TTC28: variants seen among roughly 807,000 people sequenced by gnomAD.
TTC28 encodes the protein tetratricopeptide repeat protein 28.
In TTC28, 61 loss-of-function variants were observed where a neutral mutation model predicts 198.0. The ratio of observed to expected loss-of-function variants is 0.31; its 90% CI spans 0.25 to 0.38. The LOEUF is 0.38. Ranked by LOEUF, TTC28 falls within the 10% of genes least tolerant of loss-of-function variation. TTC28 has a pLI of 1.00. For missense variants in TTC28, 2,678 were observed against 3,164.0 expected, an observed-to-expected ratio of 0.85 and a Z score of 3.69; for synonymous variants, 1,171 against 1,297.8, an observed-to-expected ratio of 0.90 and a Z score of 2.10.
At chr22:28,528,734 T>C (rs1297728010) in intron 2 of TTC28, among the ~76,000 whole-genome samples, 6 of 94,752 alleles carry the variant, frequency 6.3e-5, no homozygotes, top group African/African-American at 1.9e-4. Flanking sequence ...AGACCCTGTC[T>C]CATAAAAAAA....
At position 28,268,798 on chromosome 22, in the gene TTC28, C is replaced by A. The variant is rs534338186; in HGVS notation, c.933+27400G>T. Among the ~76,000 whole-genome samples, 22 of 151,636 alleles carry A rather than the reference C, an allele frequency of 1.5e-4. No homozygotes were observed. The East Asian group carries it at 3.9e-3, about 27-fold the overall frequency. On this transcript the variant is annotated intron_variant, in intron 5 of 22. Transcript: ENST00000397906. Reference sequence around the variant, plus strand: ...TCTCAGATGTTAGCTCCTAGACACCCTTCACTTCATCATGGTCTTTTTGAG... The same window carrying A: ...TCTCAGATGTTAGCTCCTAGACACCATTCACTTCATCATGGTCTTTTTGAG...
intron 2 of TTC28, among the ~76,000 whole-genome samples, chr22:28,465,481 C>T (rs913688521): frequency 4.0e-5 from 6 of 151,784 alleles, no homozygotes; most frequent in South Asian, 2.1e-4. Context: ...AAAATTAGGC[C>T]GGCGTGGTGG....
chr22:28,329,651 G>T (rs1239314071), intron 2 of TTC28, among the ~76,000 whole-genome samples: 1 of 152,094 alleles, frequency 6.6e-6, no homozygotes, highest in Middle Eastern at 3.2e-3. Flanking sequence ...CTGTGCCAGG[G>T]ACTCAGGTTT....
At chr22:28,299,238 C>G (rs1346009522) in intron 3 of TTC28, among the ~76,000 whole-genome samples, 1 of 147,184 alleles carries the variant, frequency 6.8e-6, no homozygotes. Context: ...CCACTATGCA[C>G]ATGTAAAAAA....
intron 5 of TTC28, among the ~76,000 whole-genome samples, chr22:28,280,272 T>C (rs2044558922): frequency 6.6e-6 from 1 of 152,168 alleles, no homozygotes; most frequent in African/African-American, 2.4e-5. Flanking sequence ...CGCTATACTT[T>C]TTGCTTTAAT....
Position 28,325,901 on chromosome 22 carries a change from T to A in TTC28, c.382-19258A>T, listed in dbSNP as rs78717480. On this transcript the variant is annotated intron_variant, in intron 2 of 22. Transcript: ENST00000397906. Reference sequence around the variant, plus strand: ...AAACTCTTATATATTGCTGGTAGAATACAAATTCTAGAAAATGGTTTGGCA... The same window carrying A: ...AAACTCTTATATATTGCTGGTAGAAAACAAATTCTAGAAAATGGTTTGGCA... Among the ~76,000 whole-genome samples the A allele has an allele frequency of 2.3e-3, 352 of 152,266 alleles. 3 individuals carry two copies. Among genetic ancestry groups the A allele is most frequent in the African/African-American group, 7.4e-3 (306 of 41,572 alleles).
chr22:28,223,728 A>C (rs1185563335), intron 5 of TTC28, among the ~76,000 whole-genome samples: 2 of 152,230 alleles, frequency 1.3e-5, no homozygotes, highest in Non-Finnish European at 2.9e-5. Flanking sequence ...CTACATGAAT[A>C]AACATTTTTC....
At chr22:28,233,993 G>A (rs995032675) in intron 5 of TTC28, among the ~76,000 whole-genome samples, 9 of 150,040 alleles carry the variant, frequency 6.0e-5, no homozygotes, top group Admixed American at 2.0e-4. Flanking sequence ...TGCAATCTCC[G>A]CCTCCCGGGT....
chr22:28,375,219 A>G (rs1157361579), intron 2 of TTC28, among the ~76,000 whole-genome samples: 1 of 152,210 alleles, frequency 6.6e-6, no homozygotes, highest in East Asian at 1.9e-4. Flanking sequence ...GAACTTTAAT[A>G]TAAGTAAAGT....
At chr22:28,388,656 G>A (rs1373754653) in intron 2 of TTC28, among the ~76,000 whole-genome samples, 1 of 152,184 alleles carries the variant, frequency 6.6e-6, no homozygotes, top group Non-Finnish European at 1.5e-5. Context: ...TGTTGTTGGT[G>A]TATAAGAACG....
intron 2 of TTC28, among the ~76,000 whole-genome samples, chr22:28,346,578 T>C (rs1040401909): frequency 2.0e-5 from 3 of 152,188 alleles, no homozygotes; most frequent in Non-Finnish European, 2.9e-5. Context: ...GGCAAGTGAC[T>C]GATAATAGCT....
intron 5 of TTC28, among the ~76,000 whole-genome samples, chr22:28,248,967 A>G (rs1685957170): frequency 6.6e-6 from 1 of 152,172 alleles, no homozygotes; most frequent in Admixed American, 6.6e-5. Context: ...ATGTTAATTA[A>G]TAACAGGTAG....
chr22:28,196,694 A>G (rs916021701), intron 5 of TTC28, among the ~76,000 whole-genome samples: 11 of 152,232 alleles, frequency 7.2e-5, no homozygotes, highest in Non-Finnish European at 1.6e-4. Context: ...AAAAATGCTC[A>G]TCATCATTGG....
At chr22:28,675,701 T>C (rs1414353631) in intron 1 of TTC28, among the ~76,000 whole-genome samples, 1 of 150,794 alleles carries the variant, frequency 6.6e-6, no homozygotes, top group African/African-American at 2.5e-5. Context: ...ATCCTACCAC[T>C]GTACTCCAGC....
chr22:28,524,253 C>G (rs548590532), intron 2 of TTC28, among the ~76,000 whole-genome samples: 7 of 151,346 alleles, frequency 4.6e-5, no homozygotes, highest in Non-Finnish European at 1.0e-4. Flanking sequence ...GTCAGGAGAT[C>G]GAGACCATCC....
intron 2 of TTC28, among the ~76,000 whole-genome samples, chr22:28,558,790 G>A (rs2145986824): frequency 6.6e-6 from 1 of 152,208 alleles, no homozygotes; most frequent in Admixed American, 6.5e-5. Context: ...CAGCACTTTG[G>A]GAGGCCAAGA....
intron 2 of TTC28, among the ~76,000 whole-genome samples, chr22:28,542,949 A>C (rs950518278): frequency 1.1e-4 from 17 of 152,260 alleles, no homozygotes; most frequent in African/African-American, 3.9e-4. Flanking sequence ...ATATTCATTC[A>C]TGCTAGTAAT....
chr22:28,421,010 T>C (rs376597488), intron 2 of TTC28, among the ~76,000 whole-genome samples: 29 of 152,026 alleles, frequency 1.9e-4, no homozygotes, highest in African/African-American at 6.3e-4. Flanking sequence ...ATCCAAAAAG[T>C]ATCATAATTA....
At chr22:28,630,607 C>T (rs1472531371) in intron 1 of TTC28, among the ~76,000 whole-genome samples, 5 of 152,118 alleles carry the variant, frequency 3.3e-5, no homozygotes, top group East Asian at 3.9e-4. Context: ...TCAGTTGCTG[C>T]ACCTGGCCAA....
Sources: gnomAD v4.1 joint callset for allele counts (sites outside exome capture counted in the v4.1 genomes callset) on GRCh38, gnomAD v4.1.1 for gene constraint, MANE v1.5 for transcripts, NCBI Gene and HGNC (gene_info 2026-07-23, HGNC 2026-07-21) for gene names.